The following OPA1 variants were observed in gnomAD, a reference collection of about 807,000 sequenced individuals.
OPA1 encodes the protein dynamin-like GTPase OPA1, mitochondrial.
Under a neutral mutation model 152.9 loss-of-function variants are expected in OPA1, and 59 were observed. The observed-to-expected ratio is 0.39, with a 90% CI of 0.31 to 0.48. The LOEUF (loss-of-function observed/expected upper bound fraction) is 0.48. OPA1 is among the 20% of genes least tolerant of loss of function. OPA1 has a pLI of 0.96. For missense variants in OPA1, 1,008 were observed against 1,216.8 expected (o/e 0.83, Z 2.55); for synonymous variants, 400 against 389.9 (o/e 1.03, Z -0.31).
At chr3:193,691,001 C>T (rs1381899779) in intron 29 of OPA1, among the ~76,000 whole-genome samples, 1 of 152,144 alleles carries the variant, frequency 6.6e-6, no homozygotes, top group East Asian at 1.9e-4. Flanking sequence ...ATCACTTGAG[C>T]CCAGGTGTTC....
chr3:193,621,545 C>T (rs1448623161), intron 6 of OPA1, among the ~76,000 whole-genome samples: 1 of 152,182 alleles, frequency 6.6e-6, no homozygotes, highest in African/African-American at 2.4e-5. Flanking sequence ...GGATTTATAT[C>T]CATTCAGTTT....
At chr3:193,626,549 A>C (rs1009571721) in intron 7 of OPA1, among the ~76,000 whole-genome samples, 4 of 152,200 alleles carry the variant, frequency 2.6e-5, no homozygotes, top group African/African-American at 9.7e-5. Flanking sequence ...CTTGCTCCCC[A>C]AGTTTTTATT....
chr3:193,658,423 C>T (rs1465354845), intron 23 of OPA1, among the ~76,000 whole-genome samples: 2 of 151,950 alleles, frequency 1.3e-5, no homozygotes, highest in East Asian at 1.9e-4. Context: ...TAAATGTCTA[C>T]CTTATTACTT....
At chr3:193,619,059 A>T (rs1202099833) in intron 6 of OPA1, 123 bp downstream of exon 6, 1 of 778,534 alleles carries the variant, frequency 1.3e-6, no homozygotes, top group Non-Finnish European at 2.2e-6. Flanking sequence ...CCAAGTAGAG[A>T]TATCGTTACT....
intron 1 of OPA1, 125 bp from the exon 2 acceptor site, chr3:193,614,598 A>G: frequency 2.6e-6 from 2 of 767,896 alleles, no homozygotes; most frequent in Middle Eastern, 3.1e-4. Context: ...AATGTGAACT[A>G]TTGTGTGACA....
chr3:193,629,744 A>G (rs557687648), intron 7 of OPA1, among the ~76,000 whole-genome samples: 1 of 152,262 alleles, frequency 6.6e-6, no homozygotes, highest in East Asian at 1.9e-4. Context: ...TTTTTATTTT[A>G]CCAAATTAAG....
At chr3:193,605,801 T>C (rs1377699627) in intron 1 of OPA1, among the ~76,000 whole-genome samples, 1 of 152,218 alleles carries the variant, frequency 6.6e-6, no homozygotes, top group Non-Finnish European at 1.5e-5. Flanking sequence ...GGCTCAGAGT[T>C]AATTGGATGG....
At chr3:193,664,591 C>A (rs917801630) in intron 26 of OPA1, among the ~76,000 whole-genome samples, 5 of 151,716 alleles carry the variant, frequency 3.3e-5, no homozygotes, top group Admixed American at 6.6e-5. Flanking sequence ...GTAATACCTA[C>A]CCTGTCTACT....
intron 2 of OPA1, 127 bp downstream of exon 2, chr3:193,615,168 A>G: frequency 1.3e-6 from 1 of 780,558 alleles, no homozygotes; most frequent in Non-Finnish European, 2.2e-6. Flanking sequence ...TCTACCATGG[A>G]CTAGATTGTT....
intron 1 of OPA1, among the ~76,000 whole-genome samples, chr3:193,609,507 T>C (rs1727843580): frequency 6.6e-6 from 1 of 152,220 alleles, no homozygotes; most frequent in Non-Finnish European, 1.5e-5. Context: ...AATCTGACAA[T>C]TATGTGTCTT....
chr3:193,668,538 G>A (rs1253765395), intron 29 of OPA1: 4 of 1,548,098 alleles, frequency 2.6e-6, no homozygotes, highest in Non-Finnish European at 3.5e-6. Context: ...ACCCCAGACA[G>A]ATTCCTTCCT....
chr3:193,690,798 C>A (rs1199809896), intron 29 of OPA1, among the ~76,000 whole-genome samples: 1 of 152,152 alleles, frequency 6.6e-6, no homozygotes, highest in Non-Finnish European at 1.5e-5. Flanking sequence ...GAATGCTTGC[C>A]AGTTTTGCCT....
intron 29 of OPA1, among the ~76,000 whole-genome samples, chr3:193,687,006 CTG>C (rs898460483): frequency 3.9e-5 from 6 of 152,180 alleles, no homozygotes; most frequent in Non-Finnish European, 7.4e-5. Flanking sequence ...CTGTTCTAAA[CTG>C]TTATTAACCA....
At chr3:193,664,563 AC>A (rs1211355555) in intron 26 of OPA1, among the ~76,000 whole-genome samples, 12 of 151,904 alleles carry the variant, frequency 7.9e-5, no homozygotes, top group Non-Finnish European at 1.6e-4. Context: ...TGGTTTCCTC[AC>A]CTCTAACTAG....
At chr3:193,694,322 CTAAT>C (rs2109473596) in intron 30 of OPA1, among the ~76,000 whole-genome samples, 1 of 152,262 alleles carries the variant, frequency 6.6e-6, no homozygotes, top group South Asian at 2.1e-4. Flanking sequence ...CATAGGATTC[CTAAT>C]TAATTGTTAT....
chr3:193,614,631 C>CTGGG, intron 1 of OPA1, 92 bp from the exon 2 acceptor site: 1 of 896,232 alleles, frequency 1.1e-6, no homozygotes, highest in African/African-American at 1.6e-5. Flanking sequence ...ACGTATGGGG[C>CTGGG]TGTGTTTCCT....
intron 21 of OPA1, 119 bp downstream of exon 21, chr3:193,648,990 C>T (rs564172539): frequency 8.2e-5 from 58 of 709,890 alleles, no homozygotes; most frequent in Middle Eastern, 4.0e-4. Flanking sequence ...TAGGCAAAAA[C>T]GTAATAGTAT....
intron 29 of OPA1, among the ~76,000 whole-genome samples, chr3:193,679,761 T>A (rs979152893): frequency 1.3e-5 from 2 of 152,194 alleles, no homozygotes; most frequent in African/African-American, 4.8e-5. Flanking sequence ...AAGAGGTACA[T>A]AATGTTTTCA....
intron 1 of OPA1, among the ~76,000 whole-genome samples, chr3:193,598,600 G>A (rs1239771366): frequency 3.3e-5 from 5 of 152,156 alleles, no homozygotes; most frequent in African/African-American, 1.2e-4. Context: ...AGAGGACGAG[G>A]GAGTTTAGAA....
Sources: gnomAD v4.1 joint callset for allele counts (sites outside exome capture counted in the v4.1 genomes callset) on GRCh38, gnomAD v4.1.1 for gene constraint, MANE v1.5 for transcripts, NCBI Gene and HGNC (gene_info 2026-07-23, HGNC 2026-07-21) for gene names.